The following PXDNL variants were observed in gnomAD, a reference collection of about 807,000 sequenced individuals.
PXDNL encodes probable oxidoreductase PXDNL.
A neutral mutation model predicts 150.8 loss-of-function variants in PXDNL; 145 were observed. The ratio of observed to expected loss-of-function variants is 0.96; its 90% CI spans 0.84 to 1.10. PXDNL has a LOEUF of 1.10. Among genes scored for constraint, PXDNL ranks in the 50% least tolerant of loss-of-function variants. PXDNL has a pLI of 0.00. For missense variants in PXDNL, 2,087 were observed against 1,873.9 expected (o/e 1.11, Z -2.10); for synonymous variants, 757 against 725.7 (o/e 1.04, Z -0.69).
intron 1 of PXDNL, among the ~76,000 whole-genome samples, chr8:51,695,904 G>C (rs879336129): frequency 3.3e-5 from 5 of 152,234 alleles, no homozygotes; most frequent in Admixed American, 2.6e-4. Flanking sequence ...CTAGTGGTTT[G>C]GACAACCAGC....
chr8:51,475,515 G>A (rs1421426696), intron 6 of PXDNL, among the ~76,000 whole-genome samples: 1 of 152,142 alleles, frequency 6.6e-6, no homozygotes, highest in African/African-American at 2.4e-5. Flanking sequence ...TGTAATTCAA[G>A]TGCTTTGGGA....
intron 20 of PXDNL, among the ~76,000 whole-genome samples, chr8:51,344,293 A>T (rs1295056185): frequency 6.6e-6 from 1 of 152,008 alleles, no homozygotes; most frequent in Non-Finnish European, 1.5e-5. Context: ...AAAAAAAAAA[A>T]AACTTTTTTA....
intron 17 of PXDNL, among the ~76,000 whole-genome samples, chr8:51,402,850 CAGG>C (rs1302096715): frequency 2.0e-5 from 3 of 151,870 alleles, no homozygotes; most frequent in Non-Finnish European, 4.4e-5. Flanking sequence ...ATCACGAGGT[CAGG>C]AGATCGAGAC....
intron 10 of PXDNL, among the ~76,000 whole-genome samples, chr8:51,450,205 A>G (rs1385227273): frequency 6.6e-6 from 1 of 152,208 alleles, no homozygotes; most frequent in Non-Finnish European, 1.5e-5. Context: ...ATTAGCATAA[A>G]ATGAGCAGTG....
intron 1 of PXDNL, among the ~76,000 whole-genome samples, chr8:51,747,147 T>C (rs528105567): frequency 2.6e-5 from 4 of 152,350 alleles, no homozygotes; most frequent in African/African-American, 9.6e-5. Flanking sequence ...TGTTTGTCGA[T>C]AGCATGAAAT....
At chr8:51,799,279 C>T (rs781406297) in intron 1 of PXDNL, among the ~76,000 whole-genome samples, 14 of 152,086 alleles carry the variant, frequency 9.2e-5, no homozygotes, top group Non-Finnish European at 1.9e-4. Context: ...ACAGCTAATG[C>T]ACGTGGAGTT....
chr8:51,578,916 G>A lies in PXDNL; in HGVS notation c.308+13711C>T, dbSNP rs189183119. On this transcript the variant is annotated intron_variant, in intron 3 of 22. Transcript: ENST00000356297. ...AACTGAACATTCATGGCAAAAACAC[G>A]AGCCTTGATCTAAGCCTCACACCTT... is the stretch of plus-strand genomic sequence containing the variant. Among the ~76,000 whole-genome samples the A allele has an allele frequency of 5.1e-3, 778 of 152,072 alleles. 26 individuals are homozygous for A. The highest frequency in any genetic ancestry group is 0.04 in the Admixed American group (612 of 15,252).
chr8:51,686,581 T>C (rs975147420), intron 1 of PXDNL, among the ~76,000 whole-genome samples: 2 of 152,210 alleles, frequency 1.3e-5, no homozygotes, highest in African/African-American at 4.8e-5. Context: ...AACAGTAGTT[T>C]TTATAATCGT....
intron 1 of PXDNL, among the ~76,000 whole-genome samples, chr8:51,788,450 T>C (rs533441962): frequency 6.6e-6 from 1 of 152,322 alleles, no homozygotes; most frequent in African/African-American, 2.4e-5. Context: ...GAGACAGTAA[T>C]CATTCCAGCT....
chr8:51,341,550 C>A (rs1465348753), intron 20 of PXDNL, among the ~76,000 whole-genome samples: 4 of 152,066 alleles, frequency 2.6e-5, no homozygotes, highest in African/African-American at 4.8e-5. Flanking sequence ...GGTTGTGCAG[C>A]GAATCTCTAG....
intron 2 of PXDNL, among the ~76,000 whole-genome samples, chr8:51,641,650 A>T (rs1814758667): frequency 6.6e-6 from 1 of 151,256 alleles, no homozygotes; most frequent in African/African-American, 2.4e-5. Context: ...TCAAAACCAC[A>T]ATGAGATACC....
chr8:51,480,800 C>T (rs1810585863), intron 6 of PXDNL, among the ~76,000 whole-genome samples: 1 of 152,166 alleles, frequency 6.6e-6, no homozygotes, highest in Non-Finnish European at 1.5e-5. Flanking sequence ...TTGCCTGCTG[C>T]CATGTAAGAT....
At chr8:51,671,306 A>C (rs898082692) in intron 1 of PXDNL, among the ~76,000 whole-genome samples, 2 of 152,250 alleles carry the variant, frequency 1.3e-5, no homozygotes, top group African/African-American at 4.8e-5. Flanking sequence ...GAAAAACAGC[A>C]GTTGTGCATG....
chr8:51,444,184 T>A (rs1164265738), intron 12 of PXDNL, among the ~76,000 whole-genome samples: 1 of 152,232 alleles, frequency 6.6e-6, no homozygotes, highest in African/African-American at 2.4e-5. Flanking sequence ...GATATAATGA[T>A]ATACTCCTAC....
At chr8:51,353,178 C>T (rs1051787413) in intron 19 of PXDNL, among the ~76,000 whole-genome samples, 1 of 149,068 alleles carries the variant, frequency 6.7e-6, no homozygotes, top group African/African-American at 2.5e-5. Flanking sequence ...TATATTATAC[C>T]TATATAATAC....
chr8:51,545,279 A>G lies in PXDNL; in HGVS notation c.380+11561T>C, dbSNP rs115006804. Reference sequence around the variant, plus strand: ...TCTGTAAATACGTTTGATGAAAAACATCACAGTGATAAGGGCTTTCCATTT... The same window carrying G: ...TCTGTAAATACGTTTGATGAAAAACGTCACAGTGATAAGGGCTTTCCATTT... On this transcript the variant is annotated intron_variant, in intron 4 of 22. Coordinates refer to ENST00000356297, the MANE Select transcript of PXDNL (RefSeq NM_144651.5). 6.1e-3 allele frequency among the ~76,000 whole-genome samples: 937 copies of G among 152,358 alleles called. 3 individuals are homozygous for G. Among genetic ancestry groups the G allele is most frequent in the African/African-American group, 0.021 (891 of 41,578 alleles).
chr8:51,404,193 A>T (rs544024873), intron 17 of PXDNL, among the ~76,000 whole-genome samples: 1 of 152,368 alleles, frequency 6.6e-6, no homozygotes, highest in East Asian at 1.9e-4. Context: ...AGCAATATTT[A>T]TCGCAAAGAG....
At chr8:51,759,877 G>T (rs949121028) in intron 1 of PXDNL, among the ~76,000 whole-genome samples, 1 of 152,184 alleles carries the variant, frequency 6.6e-6, no homozygotes, top group Non-Finnish European at 1.5e-5. Context: ...CCAAGGCAAT[G>T]CCCTCGGGGC....
chr8:51,784,894 T>G (rs2037446660), intron 1 of PXDNL, among the ~76,000 whole-genome samples: 1 of 152,244 alleles, frequency 6.6e-6, no homozygotes, highest in Non-Finnish European at 1.5e-5. Context: ...GGAAAAATTA[T>G]ATTTCTATTA....
Sources: gnomAD v4.1 joint callset for allele counts (sites outside exome capture counted in the v4.1 genomes callset) on GRCh38, gnomAD v4.1.1 for gene constraint, MANE v1.5 for transcripts, NCBI Gene and HGNC (gene_info 2026-07-23, HGNC 2026-07-21) for gene names.